Variants in ZNF124 observed in about 807,000 individuals in gnomAD.
ZNF124 encodes the protein zinc finger protein HZF-16.
In ZNF124, 25 loss-of-function variants were observed where a neutral mutation model predicts 26.6. That is an observed-to-expected ratio of 0.94 (90% confidence interval 0.68 to 1.31). The LOEUF (loss-of-function observed/expected upper bound fraction) is 1.31, where lower values mean the gene tolerates loss of function less well. Ranked by LOEUF, ZNF124 falls within the 40% of genes most tolerant of loss-of-function variation. The pLI is 0.00. For missense variants in ZNF124, 444 were observed against 422.2 expected (o/e 1.05, Z -0.45); for synonymous variants, 129 against 133.3 (o/e 0.97, Z 0.22).
downstream of ZNF124, among the ~76,000 whole-genome samples, chr1:247,153,295 GCAGC>G (rs929836269): frequency 6.6e-6 from 1 of 152,122 alleles, no homozygotes; most frequent in African/African-American, 2.4e-5. Context: ...GTTGTGATGA[GCAGC>G]CATGTAGTAA....
At chr1:247,154,433 T>C (rs1475464619), downstream of ZNF124, among the ~76,000 whole-genome samples, 1 of 152,080 alleles carries the variant, frequency 6.6e-6, no homozygotes, top group Non-Finnish European at 1.5e-5. Context: ...GAACTGGGAG[T>C]CAATTAAATC....
chr1:247,122,528 T>A (rs1672106163), exon 4 of ZNF124: 2 of 152,220 alleles, frequency 1.3e-5, no homozygotes, highest in African/African-American at 4.8e-5. Context: ...GTGGTACATT[T>A]CTTTACCATG....
rs928611338 is a variant in ZNF124, at chr1:247,159,829, T to G, written c.31-16A>C. The G allele has an allele frequency of 1.9e-6, 3 of 1,606,290 alleles. No homozygotes were observed. The highest frequency in any genetic ancestry group is 1.3e-5 in the African/African-American group (1 of 74,370). ...CAACCGAGTTCTAAAATATTCCACA[T>G]TTTTGTAGAGGATGGATGAGACTGA... On this transcript the variant is annotated splice_polypyrimidine_tract_variant and intron_variant, in intron 1 of 3. Coordinates refer to ENST00000543802, the MANE Select transcript of ZNF124 (RefSeq NM_001297568.2).
At chr1:247,137,937 T>C (rs909572536) in intron 3 of ZNF124, among the ~76,000 whole-genome samples, 3 of 152,168 alleles carry the variant, frequency 2.0e-5, no homozygotes, top group African/African-American at 7.2e-5. Context: ...ATGGTGATTA[T>C]TAAAAAGTCA....
At chr1:247,170,210 G>T (rs1315417723) in intron 1 of ZNF124, among the ~76,000 whole-genome samples, 4 of 144,736 alleles carry the variant, frequency 2.8e-5, no homozygotes, top group Admixed American at 7.2e-5. Flanking sequence ...TAGATCAGGT[G>T]ATTATTCTCT....
At chr1:247,148,894 C>T (rs538205613) in intron 3 of ZNF124, among the ~76,000 whole-genome samples, 1 of 151,968 alleles carries the variant, frequency 6.6e-6, no homozygotes, top group African/African-American at 2.4e-5. Context: ...GGCGTGAACC[C>T]AGGAGGTGGA....
intron 3 of ZNF124, among the ~76,000 whole-genome samples, chr1:247,158,313 C>T (rs975627909): frequency 4.6e-5 from 7 of 152,080 alleles, no homozygotes; most frequent in South Asian, 4.1e-4. Flanking sequence ...CTCTCTCTTG[C>T]TCCTTCTCTC....
intron 3 of ZNF124, among the ~76,000 whole-genome samples, chr1:247,139,815 A>G (rs1241851316): frequency 1.3e-5 from 2 of 152,150 alleles, no homozygotes; most frequent in Non-Finnish European, 2.9e-5. Flanking sequence ...AATGTTGAAT[A>G]TAGGCCCTGA....
Position 247,156,383 on chromosome 1 carries a change from A to C in ZNF124, c.*183T>G. The stretch of plus-strand genomic sequence containing the variant: ...GAGTCCTTTCAAGTTTTCAAAAAGA[A>C]ATGGAAAAATTGAATGCTTTACCTT... On this transcript the variant is annotated 3_prime_UTR_variant, in exon 4 of 4. Transcript: ENST00000543802. 1.6e-6 allele frequency: 2 copies of C among 1,255,690 alleles called. No individual in the cohort carries two copies. The highest frequency in any genetic ancestry group is 2.0e-6 in the Non-Finnish European group (2 of 1,000,864). The allele number at this position is 1,255,690 out of a possible 1,614,324, so 77.8% of individuals were successfully genotyped here. A position where few individuals can be genotyped will look rare whatever the true frequency, so the allele number is the denominator to read the frequency against.
rs1360955287 is a variant in ZNF124, at chr1:247,155,322, A to G, written c.*1244T>C. Among the ~76,000 whole-genome samples, 1 of 152,250 alleles carries G rather than the reference A, an allele frequency of 6.6e-6. No homozygotes were observed. Among genetic ancestry groups the G allele is most frequent in the East Asian group, 1.9e-4 (1 of 5,196 alleles). On this transcript the variant is annotated 3_prime_UTR_variant, in exon 4 of 4. Transcript: ENST00000543802. ...CTACACAGAAGTTAAACCTACAAAT[A>G]CATTTCACACATCTACTGTGTAACC...
chr1:247,164,565 CAAT>C (rs1327391179), intron 1 of ZNF124, among the ~76,000 whole-genome samples: 1 of 150,524 alleles, frequency 6.6e-6, no homozygotes, highest in African/African-American at 2.5e-5. Context: ...AAGATCTCTA[CAAT>C]GAGTTACAAG....
intron 1 of ZNF124, among the ~76,000 whole-genome samples, chr1:247,165,089 C>T (rs952589268): frequency 1.2e-4 from 18 of 152,146 alleles, no homozygotes; most frequent in African/African-American, 4.1e-4. Flanking sequence ...GCCTCAGCCT[C>T]CCGAGTAGCT....
chr1:247,153,939 A>G (rs1474409859), downstream of ZNF124, among the ~76,000 whole-genome samples: 1 of 152,222 alleles, frequency 6.6e-6, no homozygotes, highest in Admixed American at 6.5e-5. Context: ...CACCTAAATC[A>G]TGAGGATCTA....
chr1:247,131,887 GT>G (rs1672376991), intron 3 of ZNF124, among the ~76,000 whole-genome samples: 2 of 152,162 alleles, frequency 1.3e-5, no homozygotes, highest in South Asian at 4.1e-4. Flanking sequence ...AGGTGAGTGG[GT>G]TTCCCCCCAG....
At chr1:247,154,237 CG>C (rs1416930374), downstream of ZNF124, among the ~76,000 whole-genome samples, 1 of 152,168 alleles carries the variant, frequency 6.6e-6, no homozygotes, top group African/African-American at 2.4e-5. Context: ...ATCATGGGGA[CG>C]GTTTCCCCCG....
exon 4 of ZNF124, chr1:247,123,265 C>G (rs1295274761): frequency 1.3e-5 from 2 of 152,084 alleles, no homozygotes; most frequent in East Asian, 1.9e-4. Flanking sequence ...GGCGCGATCT[C>G]GGCTCACTGC....
At chr1:247,122,800 C>T (rs1558366761) in exon 4 of ZNF124, 1 of 152,134 alleles carries the variant, frequency 6.6e-6, no homozygotes, top group African/African-American at 2.4e-5. Context: ...ACGGTCATCC[C>T]CAGTTATGTT....
chr1:247,125,206 G>A (rs1328180733), intron 3 of ZNF124, among the ~76,000 whole-genome samples: 1 of 152,142 alleles, frequency 6.6e-6, no homozygotes, highest in Non-Finnish European at 1.5e-5. Flanking sequence ...TGTTACGAAT[G>A]CTGCTGCTGT....
chr1:247,157,567 C>CA, intron 3 of ZNF124, 164 bp from the exon 4 acceptor site: 1 of 646,388 alleles, frequency 1.5e-6, no homozygotes, highest in Non-Finnish European at 2.8e-6. Context: ...ATGACTTCTG[C>CA]AAAAAATGAC....
Sources: allele counts gnomAD v4.1 joint callset (sites outside exome capture counted in the v4.1 genomes callset), GRCh38; gene constraint gnomAD v4.1.1; transcripts MANE v1.5; gene names NCBI Gene and HGNC (gene_info 2026-07-23, HGNC 2026-07-21).